The following DLG2 variants were observed in gnomAD, a reference collection of about 807,000 sequenced individuals.
The protein encoded by DLG2 is disks large homolog 2.
DLG2 carries 45 observed loss-of-function variants against 132.5 expected under a neutral mutation model. The ratio of observed to expected loss-of-function variants is 0.34; its 90% CI spans 0.27 to 0.44. The LOEUF (loss-of-function observed/expected upper bound fraction) is 0.44, where lower values mean the gene tolerates loss of function less well. Among genes scored for constraint, DLG2 ranks in the 20% least tolerant of loss-of-function variants. The pLI is 1.00. For missense variants in DLG2, 1,045 were observed against 1,196.9 expected (o/e 0.87, Z 1.87); for synonymous variants, 424 against 419.6 (o/e 1.01, Z -0.13).
At chr11:85,268,269 T>A (rs1292938581) in intron 4 of DLG2, among the ~76,000 whole-genome samples, 1 of 152,202 alleles carries the variant, frequency 6.6e-6, no homozygotes, top group East Asian at 1.9e-4. Context: ...TAGATGCATA[T>A]CTGATTGCCT....
chr11:85,120,565 G>A (rs2074179732), intron 5 of DLG2, among the ~76,000 whole-genome samples: 1 of 151,828 alleles, frequency 6.6e-6, no homozygotes, highest in Non-Finnish European at 1.5e-5. Flanking sequence ...TCCTTGTAAT[G>A]TCCTATTTAG....
chr11:83,961,153 T>C (rs1386836353), intron 14 of DLG2, among the ~76,000 whole-genome samples: 2 of 152,048 alleles, frequency 1.3e-5, no homozygotes, highest in Non-Finnish European at 2.9e-5. Context: ...TTTGCATTCA[T>C]TAGCTCACTT....
intron 6 of DLG2, among the ~76,000 whole-genome samples, chr11:84,947,657 G>A (rs1465278888): frequency 1.3e-5 from 2 of 152,106 alleles, no homozygotes; most frequent in African/African-American, 4.8e-5. Flanking sequence ...AGAAATTTCT[G>A]AATAAATAGC....
In DLG2 at chr11:83,790,157, C is replaced by T. The variant is rs2041156097; in HGVS notation, c.1723-3365G>A. 4.6e-6 allele frequency: 4 copies of T among 862,342 alleles called. No individual in the cohort carries two copies. In the Admixed American group the frequency reaches 8.9e-5, roughly 19 times the overall value. 53.4% of individuals were successfully genotyped at this position (862,342 alleles called of 1,614,324 possible). A position where few individuals can be genotyped will look rare whatever the true frequency, so the allele number is the denominator to read the frequency against. ...AGTTGCAGATCCAGGCAGCTGAGACCTTGAATAACAAAAAGTTCCATTTTC... is the reference window on the plus strand; with the variant it reads ...AGTTGCAGATCCAGGCAGCTGAGACTTTGAATAACAAAAAGTTCCATTTTC... On this transcript the variant is annotated intron_variant, in intron 17 of 27. Coordinates refer to ENST00000376104, the MANE Select transcript of DLG2 (RefSeq NM_001142699.3).
chr11:84,806,175 A>T (rs1366493230), intron 6 of DLG2, among the ~76,000 whole-genome samples: 1 of 152,172 alleles, frequency 6.6e-6, no homozygotes, highest in Non-Finnish European at 1.5e-5. Flanking sequence ...AGCCTCAGGG[A>T]TCTGTAGCAT....
chr11:85,581,107 G>A (rs1402429423), intron 3 of DLG2, among the ~76,000 whole-genome samples: 1 of 152,230 alleles, frequency 6.6e-6, no homozygotes, highest in East Asian at 1.9e-4. Flanking sequence ...ACCGGGCCCT[G>A]ATTTAGCAGT....
At position 83,455,564 on chromosome 11, in the gene DLG2, T is replaced by C. The variant is rs933296977; in HGVS notation, c.*4254A>G. On this transcript the variant is annotated 3_prime_UTR_variant, in exon 28 of 28. Coordinates refer to ENST00000376104, the MANE Select transcript of DLG2 (RefSeq NM_001142699.3). ...ATGATCTTTGTCTAAATTGTCCGCC[T>C]GTCTTAGCTTTGTCCTCAGCTGTTA... is the stretch of plus-strand genomic sequence containing the variant. 6.5e-6 allele frequency: 1 copy of C among 152,674 alleles called. No individual in the cohort carries two copies. Among genetic ancestry groups the C allele is most frequent in the African/African-American group, 2.4e-5 (1 of 41,454 alleles). The allele number at this position is 152,674 out of a possible 1,614,324, so 9.5% of individuals were successfully genotyped here.
chr11:83,649,681 T>C (rs995447683), intron 18 of DLG2, among the ~76,000 whole-genome samples: 4 of 152,136 alleles, frequency 2.6e-5, no homozygotes, highest in Admixed American at 6.5e-5. Context: ...GCAATTTGCA[T>C]GTAATTTGGA....
Position 84,536,872 on chromosome 11 carries a change from C to G in DLG2, c.358-2141G>C, listed in dbSNP as rs534664117. Among the ~76,000 whole-genome samples the G allele has an allele frequency of 2.6e-5, 4 of 152,250 alleles. No homozygotes were observed. The East Asian group carries it at 7.7e-4, about 29-fold the overall frequency. ...ACCAACACTGTCCATGTTCAGGATC[C>G]CATAAGTTCTCAGCTGGGCTATAGA... On this transcript the variant is annotated intron_variant, in intron 6 of 27. Transcript: ENST00000376104.
intron 5 of DLG2, among the ~76,000 whole-genome samples, chr11:85,136,025 T>G (rs1056370652): frequency 6.6e-6 from 1 of 152,140 alleles, no homozygotes; most frequent in African/African-American, 2.4e-5. Context: ...GAAAAGAGAA[T>G]TGCGTGCACT....
chr11:83,803,441 G>A (rs779018387), intron 17 of DLG2, among the ~76,000 whole-genome samples: 1 of 151,954 alleles, frequency 6.6e-6, no homozygotes, highest in Non-Finnish European at 1.5e-5. Context: ...TCCTTCCAAA[G>A]GTGCAATAAC....
chr11:83,547,267 A>AT (rs1337506441), intron 19 of DLG2, among the ~76,000 whole-genome samples: 5 of 152,240 alleles, frequency 3.3e-5, no homozygotes, highest in African/African-American at 9.6e-5. Flanking sequence ...AGGAGAAATA[A>AT]TATCCTTAAC....
At chr11:85,247,364 G>T (rs775337774) in intron 4 of DLG2, among the ~76,000 whole-genome samples, 29 of 151,912 alleles carry the variant, frequency 1.9e-4, no homozygotes, top group Non-Finnish European at 3.1e-4. Context: ...CTCAAAGCGG[G>T]ATTCATTCAT....
At position 84,442,443 on chromosome 11, in the gene DLG2, C is replaced by T. The variant is rs2099020033; in HGVS notation, c.519+92127G>A. Among the ~76,000 whole-genome samples, 3 of 152,156 alleles carry T rather than the reference C, an allele frequency of 2.0e-5. 1 individual carries two copies. In the South Asian group the frequency reaches 6.2e-4, roughly 32 times the overall value. On this transcript the variant is annotated intron_variant, in intron 7 of 27. Coordinates refer to ENST00000376104, the MANE Select transcript of DLG2 (RefSeq NM_001142699.3). Reference sequence around the variant, plus strand: ...TAACACAGGAACAGAAAACCAAATACCACATGTTCTCACTCATAAGTGGGA... The same window carrying T: ...TAACACAGGAACAGAAAACCAAATATCACATGTTCTCACTCATAAGTGGGA...
At chr11:84,017,823 T>C (rs2095260342) in intron 11 of DLG2, among the ~76,000 whole-genome samples, 1 of 152,036 alleles carries the variant, frequency 6.6e-6, no homozygotes, top group African/African-American at 2.4e-5. Context: ...TGCCAGGCAC[T>C]GTTCTAAGCA....
chr11:83,715,799 C>T (rs2153671797), intron 18 of DLG2, among the ~76,000 whole-genome samples: 1 of 152,292 alleles, frequency 6.6e-6, no homozygotes, highest in Non-Finnish European at 1.5e-5. Flanking sequence ...AAGCTGAGAG[C>T]TCCCTCTCCC....
At chr11:84,786,122 C>G (rs2072854057) in intron 6 of DLG2, among the ~76,000 whole-genome samples, 1 of 152,066 alleles carries the variant, frequency 6.6e-6, no homozygotes, top group Admixed American at 6.6e-5. Flanking sequence ...ATATCATCAT[C>G]ATGATTCATT....
chr11:84,080,724 G>T (rs2096889815), intron 10 of DLG2, among the ~76,000 whole-genome samples: 1 of 152,146 alleles, frequency 6.6e-6, no homozygotes. Context: ...GGGCACAGTG[G>T]CTTACACATA....
At chr11:84,920,909 G>A (rs565881254) in intron 6 of DLG2, among the ~76,000 whole-genome samples, 15 of 151,900 alleles carry the variant, frequency 9.9e-5, no homozygotes, top group South Asian at 4.2e-4. Context: ...AAAAAAAGAC[G>A]AAAAATGTTT....
Sources: gnomAD v4.1 joint callset for allele counts (sites outside exome capture counted in the v4.1 genomes callset) on GRCh38, gnomAD v4.1.1 for gene constraint, MANE v1.5 for transcripts, NCBI Gene and HGNC (gene_info 2026-07-23, HGNC 2026-07-21) for gene names.